The following DIP2C variants were observed in gnomAD, a reference collection of about 807,000 sequenced individuals.
DIP2C encodes the protein disco-interacting protein 2 homolog C.
In DIP2C, 33 loss-of-function variants were observed where a neutral mutation model predicts 192.4. That is an observed-to-expected ratio of 0.17 (90% CI 0.13 to 0.23). The LOEUF (loss-of-function observed/expected upper bound fraction) is 0.23. Ranked by LOEUF, DIP2C falls within the 10% of genes least tolerant of loss-of-function variation. The pLI is 1.00. For synonymous variants in DIP2C, 979 were observed against 864.1 expected, an observed-to-expected ratio of 1.13 and a Z score of -2.33; for missense variants, 1,537 against 2,110.1, an observed-to-expected ratio of 0.73 and a Z score of 5.32.
intron 1 of DIP2C, among the ~76,000 whole-genome samples, chr10:529,811 ACT>A (rs1847263542): frequency 6.6e-6 from 1 of 152,044 alleles, no homozygotes; most frequent in African/African-American, 2.4e-5. Context: ...GTGGAGTCTC[ACT>A]CTGTCACCCA....
chr10:319,323 A>G (rs993257193), intron 31 of DIP2C, among the ~76,000 whole-genome samples: 2 of 152,200 alleles, frequency 1.3e-5, no homozygotes, highest in Non-Finnish European at 2.9e-5. Context: ...TGTTGATTTA[A>G]TCCCACACAA....
At chr10:481,408 T>C (rs1477992039) in intron 2 of DIP2C, among the ~76,000 whole-genome samples, 2 of 152,166 alleles carry the variant, frequency 1.3e-5, no homozygotes, top group African/African-American at 2.4e-5. Context: ...GCCCTCTCCG[T>C]GGCGACAGGG....
In DIP2C at chr10:413,933, G is replaced by T; in HGVS notation, c.1037C>A (p.Pro346His). ...ATTACCGTAAGTGAGGATGTAGAGG[G>T]GCTTCCCGTTGGTGTCCATGGTGGT... ...CLTTMDTNGK[P>H]LYILTYGKLW... The change falls in exon 8 of 37, where the codon CCC (proline) becomes CAC (histidine). Residue 346 changes from proline (P) to histidine (H), a missense_variant. Physicochemically the swap from Pro to His is moderately conservative, Grantham distance 77. Around this residue, in one of 4 missense-constraint regions of DIP2C, gnomAD observed 473 missense variants for 539.6 expected, o/e 0.88. Transcript: ENST00000280886. 1 of 1,614,092 alleles carries T rather than the reference G, an allele frequency of 6.2e-7. No individual in the cohort carries two copies. Among genetic ancestry groups the T allele is most frequent in the South Asian group, 1.1e-5 (1 of 91,076 alleles).
chr10:500,505 A>G (rs1845148791), intron 1 of DIP2C, among the ~76,000 whole-genome samples: 1 of 152,244 alleles, frequency 6.6e-6, no homozygotes, highest in African/African-American at 2.4e-5. Flanking sequence ...TGCCATAGAA[A>G]TTATCCTGAA....
intron 1 of DIP2C, among the ~76,000 whole-genome samples, chr10:560,075 C>A (rs926515339): frequency 6.6e-6 from 1 of 151,814 alleles, no homozygotes; most frequent in African/African-American, 2.4e-5. Flanking sequence ...CCCAGCACTG[C>A]GCCCAAGGCC....
chr10:559,418 TTTTTGTTGA>T (rs1257900289), intron 1 of DIP2C, among the ~76,000 whole-genome samples: 1 of 152,012 alleles, frequency 6.6e-6, no homozygotes, highest in Non-Finnish European at 1.5e-5. Flanking sequence ...TCTTTTGTTG[TTTTTGTTGA>T]GGAAGGAACA....
intron 1 of DIP2C, among the ~76,000 whole-genome samples, chr10:490,303 T>C (rs2133580422): frequency 6.6e-6 from 1 of 152,360 alleles, no homozygotes; most frequent in East Asian, 1.9e-4. Flanking sequence ...TCAGGGCATG[T>C]GGTCATCAGC....
chr10:619,042 C>T (rs1287870743), intron 1 of DIP2C, among the ~76,000 whole-genome samples: 3 of 152,180 alleles, frequency 2.0e-5, no homozygotes, highest in African/African-American at 7.2e-5. Context: ...GAAATAAAAT[C>T]AGAATTCTAG....
At chr10:319,188 C>T (rs574384594) in intron 31 of DIP2C, among the ~76,000 whole-genome samples, 6 of 152,270 alleles carry the variant, frequency 3.9e-5, no homozygotes, top group South Asian at 2.1e-4. Flanking sequence ...GCTGGGATTA[C>T]AGGCGTGAGC....
chr10:494,726 A>G (rs1270252682), intron 1 of DIP2C, among the ~76,000 whole-genome samples: 2 of 152,232 alleles, frequency 1.3e-5, no homozygotes, highest in South Asian at 2.1e-4. Flanking sequence ...GGGGATCAGA[A>G]ACGTAAATTC....
chr10:584,923 C>A (rs1389919385), intron 1 of DIP2C, among the ~76,000 whole-genome samples: 2 of 134,578 alleles, frequency 1.5e-5, no homozygotes, highest in African/African-American at 5.8e-5. Context: ...CGACCTGACC[C>A]CCACTCACGC....
At chr10:467,021 T>C (rs1970261091) in intron 3 of DIP2C, among the ~76,000 whole-genome samples, 2 of 151,114 alleles carry the variant, frequency 1.3e-5, no homozygotes, top group Non-Finnish European at 2.9e-5. Flanking sequence ...GACCCAGCCA[T>C]CCCATTACTG....
chr10:367,349 A>G (rs151247215), intron 18 of DIP2C, among the ~76,000 whole-genome samples: 2,047 of 151,938 alleles, frequency 0.013, 38 homozygotes, highest in African/African-American at 0.045. Flanking sequence ...CCCGGGAGGC[A>G]GAGCCTGCGG....
intron 1 of DIP2C, among the ~76,000 whole-genome samples, chr10:543,191 G>A (rs547814344): frequency 4.6e-5 from 7 of 152,348 alleles, no homozygotes; most frequent in South Asian, 2.1e-4. Flanking sequence ...AATCTTCTGC[G>A]TTAGGAATAA....
chr10:598,522 G>C lies in DIP2C; in HGVS notation c.85+90972C>G, dbSNP rs1191998585. ...CGACAGGGGTAGGGGAGCATCATGG[G>C]GAGAGGCCCCAGCCTGGCTCCTCCC... On this transcript the variant is annotated intron_variant, in intron 1 of 36. Transcript: ENST00000280886. 1.3e-5 allele frequency among the ~76,000 whole-genome samples: 2 copies of C among 152,122 alleles called. 1 individual carries two copies. The highest frequency in any genetic ancestry group is 1.3e-4 in the Admixed American group (2 of 15,276).
At chr10:309,763 C>A (rs1160310013) in intron 32 of DIP2C, among the ~76,000 whole-genome samples, 2 of 152,066 alleles carry the variant, frequency 1.3e-5, no homozygotes, top group Non-Finnish European at 2.9e-5. Flanking sequence ...GTTGCCCAGG[C>A]TGGTCTCGAA....
chr10:545,166 CTTTTTTTTT>C (rs60185327), intron 1 of DIP2C, among the ~76,000 whole-genome samples: 2 of 86,336 alleles, frequency 2.3e-5, no homozygotes, highest in African/African-American at 5.7e-5. Context: ...GGTGTTTTCC[CTTTTTTTTT>C]TTTTTTTTTT....
intron 30 of DIP2C, among the ~76,000 whole-genome samples, chr10:328,617 A>C (rs1957371722): frequency 6.6e-6 from 1 of 152,240 alleles, no homozygotes; most frequent in African/African-American, 2.4e-5. Flanking sequence ...AAATGATTGC[A>C]CAATTACTTA....
intron 1 of DIP2C, among the ~76,000 whole-genome samples, chr10:625,114 T>C (rs1395289142): frequency 6.6e-6 from 1 of 152,180 alleles, no homozygotes; most frequent in Admixed American, 6.5e-5. Flanking sequence ...CAATCAACCA[T>C]GCCACCCTGA....
Sources: allele counts gnomAD v4.1 joint callset (sites outside exome capture counted in the v4.1 genomes callset), GRCh38; gene constraint gnomAD v4.1.1; regional missense constraint gnomAD v4.1.1; transcripts MANE v1.5; gene names NCBI Gene and HGNC (gene_info 2026-07-23, HGNC 2026-07-21).